CEP128: variants seen among roughly 807,000 people sequenced by gnomAD.
CEP128 encodes centrosomal protein 128.
A neutral mutation model predicts 156.7 loss-of-function variants in CEP128; 132 were observed. The ratio of observed to expected loss-of-function variants is 0.84; its 90% confidence interval spans 0.73 to 0.97. The LOEUF is 0.97. CEP128 is among the 50% of genes least tolerant of loss of function. The probability of loss-of-function intolerance (pLI) is 0.00; values close to 1 mark genes in which losing one functional copy is unlikely to be tolerated. For synonymous variants in CEP128, 469 were observed against 448.9 expected (o/e 1.04, Z -0.57); for missense variants, 1,252 against 1,281.9 (o/e 0.98, Z 0.36).
At chr14:80,881,980 C>G (rs905230356) in intron 8 of CEP128, among the ~76,000 whole-genome samples, 1 of 152,150 alleles carries the variant, frequency 6.6e-6, no homozygotes, top group South Asian at 2.1e-4. Context: ...CTTTCACCAC[C>G]GTTACTCAAC....
At chr14:80,803,958 C>A (rs982265900) in intron 13 of CEP128, among the ~76,000 whole-genome samples, 2 of 151,962 alleles carry the variant, frequency 1.3e-5, no homozygotes, top group Middle Eastern at 3.4e-3. Context: ...TATTGGTATA[C>A]CATATACATG....
In CEP128 at chr14:80,891,859, A is replaced by AG. The variant is rs150844261; in HGVS notation, c.645+3858dup. 3.7e-3 allele frequency among the ~76,000 whole-genome samples: 558 copies of AG among 152,092 alleles called. 3 individuals carry two copies. The highest frequency in any genetic ancestry group is 0.012 in the African/African-American group (518 of 41,552). On this transcript the variant is annotated intron_variant, in intron 8 of 24. Coordinates refer to ENST00000555265, the MANE Select transcript of CEP128 (RefSeq NM_152446.5). The stretch of plus-strand genomic sequence containing the variant: ...AACAGCTGAAGAATAAATTTAACAA[A>AG]GGTGAAAATCCTGTACACAGAAAAC...
In CEP128 at chr14:80,596,819, C is replaced by CAAAAAAA. The variant is rs57402112; in HGVS notation, c.2807-16403_2807-16397dup. ...TCTGAGTAACAGTGAGACACTGTCACAAAAAAAAAAAAAAAAAAAAAAAGG... is the reference window on the plus strand; with the variant it reads ...TCTGAGTAACAGTGAGACACTGTCACAAAAAAAAAAAAAAAAAAAAAAAAAAAAAAGG... On this transcript the variant is annotated intron_variant, in intron 19 of 24. Transcript: ENST00000555265. Among the ~76,000 whole-genome samples the CAAAAAAA allele has an allele frequency of 2.0e-3, 28 of 14,046 alleles. 9 individuals are homozygous for CAAAAAAA. The highest frequency in any genetic ancestry group is 9.7e-3 in the African/African-American group (22 of 2,272). 9.2% of individuals were successfully genotyped at this position (14,046 alleles called of 152,430 possible).
chr14:80,928,361 GA>G (rs1566721107), intron 2 of CEP128, among the ~76,000 whole-genome samples: 4 of 152,174 alleles, frequency 2.6e-5, no homozygotes, highest in African/African-American at 9.6e-5. Flanking sequence ...AGATAAAAAG[GA>G]AAGGTGAAAA....
chr14:80,894,594 C>A, intron 8 of CEP128: 2 of 472,516 alleles, frequency 4.2e-6, no homozygotes, highest in Non-Finnish European at 8.5e-6. Context: ...TACCACATTG[C>A]CACACATTAA....
intron 3 of CEP128, 90 bp from the exon 4 acceptor site, chr14:80,914,498 GTT>G (rs149977971): frequency 1.1e-6 from 1 of 928,372 alleles, no homozygotes; most frequent in Non-Finnish European, 1.7e-6. Context: ...TAAGTCAACA[GTT>G]TGTAAAATGT....
intron 13 of CEP128, among the ~76,000 whole-genome samples, chr14:80,820,217 T>C (rs74064550): frequency 6.6e-6 from 1 of 152,240 alleles, no homozygotes; most frequent in African/African-American, 2.4e-5. Flanking sequence ...ATCTGAAGAG[T>C]CTATATGCCT....
At chr14:80,738,339 T>C (rs528786691) in intron 19 of CEP128, among the ~76,000 whole-genome samples, 33 of 152,236 alleles carry the variant, frequency 2.2e-4, no homozygotes, top group African/African-American at 7.2e-4. Flanking sequence ...ACAAGTAGCA[T>C]AGAAATTCGA....
chr14:80,592,400 T>C (rs535370886), intron 19 of CEP128, among the ~76,000 whole-genome samples: 4 of 152,234 alleles, frequency 2.6e-5, no homozygotes, highest in East Asian at 3.9e-4. Flanking sequence ...CTAGAAAATC[T>C]ACAAGAAATG....
intron 20 of CEP128, among the ~76,000 whole-genome samples, chr14:80,572,856 T>C (rs1595026412): frequency 6.6e-6 from 1 of 152,226 alleles, no homozygotes; most frequent in East Asian, 1.9e-4. Context: ...TGTATGAAGA[T>C]GAGTCAAATC....
At chr14:80,562,133 A>G (rs1347680189) in intron 20 of CEP128, among the ~76,000 whole-genome samples, 4 of 151,772 alleles carry the variant, frequency 2.6e-5, no homozygotes, top group Non-Finnish European at 5.9e-5. Context: ...TCACCATGTT[A>G]GCCAGGATGG....
chr14:80,640,554 A>T (rs1321850348), intron 19 of CEP128, among the ~76,000 whole-genome samples: 1 of 152,104 alleles, frequency 6.6e-6, no homozygotes, highest in Admixed American at 6.6e-5. Context: ...CCACAGCAAC[A>T]TCCTCTCCTT....
chr14:80,484,854 C>A (rs576195629), intron 14 of CEP128, among the ~76,000 whole-genome samples: 2 of 151,690 alleles, frequency 1.3e-5, no homozygotes, highest in Admixed American at 6.6e-5. Flanking sequence ...GAATATTGCA[C>A]GGGAAAATTT....
chr14:80,894,673 A>G (rs750514066), intron 8 of CEP128: 2 of 400,862 alleles, frequency 5.0e-6, no homozygotes, highest in African/African-American at 2.1e-5. Flanking sequence ...GCTCTTCACA[A>G]AAAACTTAAT....
chr14:80,577,534 T>C (rs1595034590), intron 20 of CEP128, among the ~76,000 whole-genome samples: 1 of 152,144 alleles, frequency 6.6e-6, no homozygotes, highest in East Asian at 1.9e-4. Context: ...GGACTTTATA[T>C]TCTAAAACAT....
At chr14:80,765,275 G>C (rs566586899) in intron 16 of CEP128, among the ~76,000 whole-genome samples, 1 of 152,162 alleles carries the variant, frequency 6.6e-6, no homozygotes, top group Middle Eastern at 3.2e-3. Flanking sequence ...GCGCTTTCTC[G>C]CAGTTTCATG....
chr14:80,549,873 A>C (rs180913371), intron 21 of CEP128, among the ~76,000 whole-genome samples: 64 of 152,348 alleles, frequency 4.2e-4, no homozygotes, highest in Non-Finnish European at 7.3e-5. Context: ...AATTACAAAT[A>C]AAAACCCCAA....
chr14:80,760,705 G>C (rs1242678719), intron 17 of CEP128, among the ~76,000 whole-genome samples: 4 of 152,058 alleles, frequency 2.6e-5, no homozygotes, highest in Non-Finnish European at 4.4e-5. Flanking sequence ...GCAAAACCTA[G>C]AGCTGACAGA....
intron 1 of CEP128, 27 bp downstream of exon 1, chr14:80,941,553 AG>A (rs71456226): frequency 1.3e-5 from 2 of 152,636 alleles, no homozygotes; most frequent in Non-Finnish European, 1.5e-5. Flanking sequence ...TGGTCGAAAA[AG>A]GGCAAGGGGG....
Sources: allele counts gnomAD v4.1 joint callset (sites outside exome capture counted in the v4.1 genomes callset), GRCh38; gene constraint gnomAD v4.1.1; transcripts MANE v1.5; gene names NCBI Gene and HGNC (gene_info 2026-07-23, HGNC 2026-07-21).